Variants in SUSD6 observed in about 807,000 individuals in gnomAD.
SUSD6 encodes the protein sushi domain containing 6.
SUSD6 carries 16 observed loss-of-function variants against 28.4 expected under a neutral mutation model. The observed-to-expected ratio is 0.56, with a 90% CI of 0.38 to 0.86. The LOEUF is 0.86. Among genes scored for constraint, SUSD6 ranks in the 40% least tolerant of loss-of-function variants. The pLI, the probability that SUSD6 is intolerant of heterozygous loss-of-function variation, is 0.00. For synonymous variants in SUSD6, 147 were observed against 159.6 expected, an observed-to-expected ratio of 0.92 and a Z score of 0.59; for missense variants, 341 against 384.2, an observed-to-expected ratio of 0.89 and a Z score of 0.94.
intron 2 of SUSD6, among the ~76,000 whole-genome samples, chr14:69,688,946 A>G (rs1377951238): frequency 6.6e-6 from 1 of 152,196 alleles, no homozygotes; most frequent in East Asian, 1.9e-4. Context: ...TTCTGGCACC[A>G]GCCTGATTTT....
At chr14:69,666,807 T>C (rs1432518464) in intron 2 of SUSD6, among the ~76,000 whole-genome samples, 2 of 149,452 alleles carry the variant, frequency 1.3e-5, no homozygotes, top group African/African-American at 4.8e-5. Context: ...CAAGATTTCT[T>C]GGCCAAGTTT....
At chr14:69,615,158 G>A (rs1165251849) in intron 1 of SUSD6, among the ~76,000 whole-genome samples, 1 of 152,222 alleles carries the variant, frequency 6.6e-6, no homozygotes, top group Admixed American at 6.5e-5. Context: ...GAATGTTGAG[G>A]ATTAGGACAT....
At chr14:69,658,484 C>T in intron 1 of SUSD6, 29 bp from the exon 2 acceptor site, 1 of 1,187,700 alleles carries the variant, frequency 8.4e-7, no homozygotes, top group Admixed American at 2.5e-5. Context: ...CTGAAGTTTT[C>T]ACTTTATGTC....
At chr14:69,679,878 G>C (rs554558037) in intron 2 of SUSD6, among the ~76,000 whole-genome samples, 4 of 152,150 alleles carry the variant, frequency 2.6e-5, no homozygotes, top group African/African-American at 9.6e-5. Context: ...TATGGGTGGC[G>C]TCTGCCAATT....
At chr14:69,688,376 G>C (rs1020741423) in intron 2 of SUSD6, among the ~76,000 whole-genome samples, 1 of 152,178 alleles carries the variant, frequency 6.6e-6, no homozygotes, top group Non-Finnish European at 1.5e-5. Flanking sequence ...GAGCCTGGAC[G>C]TGAGAGCTCA....
At chr14:69,686,937 G>A (rs1414120564) in intron 2 of SUSD6, among the ~76,000 whole-genome samples, 4 of 152,124 alleles carry the variant, frequency 2.6e-5, no homozygotes, top group Non-Finnish European at 4.4e-5. Flanking sequence ...GCTAATTTCT[G>A]CCATCTTTAT....
At chr14:69,709,181 TC>T in intron 5 of SUSD6, 77 bp downstream of exon 5, 1 of 1,282,376 alleles carries the variant, frequency 7.8e-7, no homozygotes, top group African/African-American at 1.5e-5. Flanking sequence ...TGTGAGCCTT[TC>T]TAAATAATTG....
chr14:69,701,679 C>T (rs528251569), intron 2 of SUSD6, among the ~76,000 whole-genome samples: 2 of 152,224 alleles, frequency 1.3e-5, no homozygotes, highest in East Asian at 3.9e-4. Flanking sequence ...AGAATAGGGA[C>T]AAGTTGGGTC....
chr14:69,700,739 A>G (rs769423119), intron 2 of SUSD6, among the ~76,000 whole-genome samples: 4 of 152,222 alleles, frequency 2.6e-5, no homozygotes, highest in Non-Finnish European at 5.9e-5. Flanking sequence ...ACATTATTTG[A>G]CATGTGTTAG....
chr14:69,695,272 A>G (rs1395940599), intron 2 of SUSD6, among the ~76,000 whole-genome samples: 1 of 151,836 alleles, frequency 6.6e-6, no homozygotes, highest in Non-Finnish European at 1.5e-5. Context: ...AAGTAGTGGG[A>G]CTCCTGCCTG....
chr14:69,647,680 G>T (rs1191342207), intron 1 of SUSD6, among the ~76,000 whole-genome samples: 3 of 151,940 alleles, frequency 2.0e-5, no homozygotes, highest in Admixed American at 6.6e-5. Flanking sequence ...AAAGGAGAAA[G>T]TGACTTAAAG....
At chr14:69,706,403 G>A (rs1457225705) in intron 4 of SUSD6, among the ~76,000 whole-genome samples, 1 of 152,106 alleles carries the variant, frequency 6.6e-6, no homozygotes, top group Non-Finnish European at 1.5e-5. Context: ...TACTTTTTAA[G>A]CCAAACACTA....
chr14:69,678,606 C>T (rs1324823601), intron 2 of SUSD6, among the ~76,000 whole-genome samples: 2 of 151,958 alleles, frequency 1.3e-5, no homozygotes, highest in Non-Finnish European at 2.9e-5. Context: ...AGTTTGAGAC[C>T]AGCCTGGCCA....
At chr14:69,679,996 G>A (rs1044872347) in intron 2 of SUSD6, among the ~76,000 whole-genome samples, 1 of 152,164 alleles carries the variant, frequency 6.6e-6, no homozygotes, top group Non-Finnish European at 1.5e-5. Flanking sequence ...TTTTTTGGAA[G>A]GGCAGTATGT....
chr14:69,704,273 T>C (rs1228978434), intron 3 of SUSD6, among the ~76,000 whole-genome samples: 1 of 152,194 alleles, frequency 6.6e-6, no homozygotes, highest in African/African-American at 2.4e-5. Context: ...AAATTGTCGA[T>C]GTTTACAAAC....
chr14:69,687,228 G>A (rs1172448815), intron 2 of SUSD6, among the ~76,000 whole-genome samples: 1 of 152,206 alleles, frequency 6.6e-6, no homozygotes, highest in East Asian at 1.9e-4. Flanking sequence ...GCCTGCCTTG[G>A]TCTCCCGAAG....
chr14:69,646,607 C>G (rs540843041), intron 1 of SUSD6, among the ~76,000 whole-genome samples: 7 of 152,038 alleles, frequency 4.6e-5, no homozygotes, highest in South Asian at 2.1e-4. Flanking sequence ...CCTGACCAAA[C>G]CTGCTTATTC....
chr14:69,711,160 C>T lies in SUSD6; in HGVS notation c.*181C>T, dbSNP rs1000465275. 1.2e-5 allele frequency: 7 copies of T among 607,076 alleles called. No homozygotes were observed. Among genetic ancestry groups the T allele is most frequent in the African/African-American group, 7.4e-5 (4 of 53,856 alleles). The allele number at this position is 607,076 out of a possible 1,614,324, so 37.6% of individuals were successfully genotyped here. A position where few individuals can be genotyped will look rare whatever the true frequency, so the allele number is the denominator to read the frequency against. ...TTGCTGGAAACTCAAGGAAGATTCTCGCCATCTGCCTGTTGGACAGCTGGA... is the reference window on the plus strand; with the variant it reads ...TTGCTGGAAACTCAAGGAAGATTCTTGCCATCTGCCTGTTGGACAGCTGGA... On this transcript the variant is annotated 3_prime_UTR_variant, in exon 6 of 6. Transcript: ENST00000342745.
At position 69,703,291 on chromosome 14, in the gene SUSD6, C is replaced by T. The variant is rs994461330; in HGVS notation, c.122-104C>T. ...GTTCCTCCAAGGAAAGGGTTATTTC[C>T]TCCTCCTGTGTTTCCTGTAGAGGCC... is the stretch of plus-strand genomic sequence containing the variant. On this transcript the variant is annotated intron_variant, in intron 2 of 5. Transcript: ENST00000342745. The T allele has an allele frequency of 7.8e-6, 7 of 899,854 alleles. No homozygotes were observed. The African/African-American group carries it at 1.2e-4, about 15-fold the overall frequency. The allele number at this position is 899,854 out of a possible 1,614,324, so 55.7% of individuals were successfully genotyped here.
Sources: gnomAD v4.1 joint callset for allele counts (sites outside exome capture counted in the v4.1 genomes callset) on GRCh38, gnomAD v4.1.1 for gene constraint, MANE v1.5 for transcripts, NCBI Gene and HGNC (gene_info 2026-07-23, HGNC 2026-07-21) for gene names.